ZNF385B: variants seen among roughly 807,000 people sequenced by gnomAD.
ZNF385B encodes the protein zinc finger protein 385B, also known as zinc finger protein 533.
In ZNF385B, 23 loss-of-function variants were observed where a neutral mutation model predicts 39.2. The observed-to-expected ratio is 0.59, with a 90% CI of 0.42 to 0.83. The LOEUF (loss-of-function observed/expected upper bound fraction) is 0.83. ZNF385B is among the 40% of genes least tolerant of loss of function. The pLI is 0.00. For synonymous variants in ZNF385B, 205 were observed against 222.6 expected, an observed-to-expected ratio of 0.92 and a Z score of 0.70; for missense variants, 552 against 598.9, an observed-to-expected ratio of 0.92 and a Z score of 0.82.
intron 3 of ZNF385B, among the ~76,000 whole-genome samples, chr2:179,633,933 A>G (rs1488194441): frequency 6.6e-6 from 1 of 152,206 alleles, no homozygotes; most frequent in Admixed American, 6.5e-5. Context: ...TCTTTGACAA[A>G]CCTGAGAAAA....
intron 6 of ZNF385B, among the ~76,000 whole-genome samples, chr2:179,459,365 G>A (rs1186573173): frequency 6.6e-6 from 1 of 152,198 alleles, no homozygotes; most frequent in Non-Finnish European, 1.5e-5. Flanking sequence ...GAGTGGAAAA[G>A]TAGTATAACT....
Position 179,658,202 on chromosome 2 carries a change from G to A in ZNF385B, c.298+111301C>T, listed in dbSNP as rs114173941. ...AGCATGTCTCAGGACCTTGGTAAAT[G>A]ATAAACAAAATGGTGAACACTTCAC... is the stretch of plus-strand genomic sequence containing the variant. On this transcript the variant is annotated intron_variant, in intron 3 of 9. Transcript: ENST00000410066. Among the ~76,000 whole-genome samples the A allele has an allele frequency of 8.1e-3, 1,231 of 152,284 alleles. 13 individuals carry two copies. Among genetic ancestry groups the A allele is most frequent in the African/African-American group, 0.027 (1,136 of 41,552 alleles).
chr2:179,735,831 A>G, intron 3 of ZNF385B, among the ~76,000 whole-genome samples: 1 of 145,482 alleles, frequency 6.9e-6, no homozygotes, highest in Non-Finnish European at 1.5e-5. Context: ...GAATTGAACA[A>G]TGAGATCACA....
At chr2:179,536,202 T>C in intron 4 of ZNF385B, 1 of 152,206 alleles carries the variant, frequency 6.6e-6, no homozygotes, top group Non-Finnish European at 1.5e-5. Context: ...TTTCCTCTTC[T>C]TCTTCTAATT....
chr2:179,820,269 T>A (rs1268959104), intron 1 of ZNF385B, among the ~76,000 whole-genome samples: 1 of 152,144 alleles, frequency 6.6e-6, no homozygotes, highest in Non-Finnish European at 1.5e-5. Context: ...CATTACTTAA[T>A]TTTTAAGTAT....
At chr2:179,582,550 T>C (rs1267336311) in intron 3 of ZNF385B, among the ~76,000 whole-genome samples, 1 of 152,164 alleles carries the variant, frequency 6.6e-6, no homozygotes, top group Non-Finnish European at 1.5e-5. Flanking sequence ...TATCCTTAGG[T>C]ACTCCTTTAG....
At chr2:179,841,784 G>A (rs946803208) in intron 1 of ZNF385B, among the ~76,000 whole-genome samples, 14 of 152,196 alleles carry the variant, frequency 9.2e-5, no homozygotes, top group Admixed American at 3.9e-4. Flanking sequence ...CACAGGTCAT[G>A]AGTAGTAGAA....
At chr2:179,739,709 A>C (rs10497549) in intron 3 of ZNF385B, among the ~76,000 whole-genome samples, 17,906 of 152,172 alleles carry the variant, frequency 0.12, 1,306 homozygotes, top group Non-Finnish European at 0.16. Context: ...CTGGAGTATT[A>C]GTATAGCTTA....
intron 1 of ZNF385B, among the ~76,000 whole-genome samples, chr2:179,840,137 A>G (rs1223844456): frequency 6.6e-6 from 1 of 152,232 alleles, no homozygotes; most frequent in Non-Finnish European, 1.5e-5. Flanking sequence ...GTCACATTAC[A>G]GATATATTTA....
At chr2:179,660,743 G>C (rs16866895) in intron 3 of ZNF385B, among the ~76,000 whole-genome samples, 2,421 of 152,244 alleles carry the variant, frequency 0.016, 66 homozygotes, top group African/African-American at 0.055. Flanking sequence ...AAGCCTTACA[G>C]TTACAGGCAT....
At chr2:179,561,145 T>C (rs933515291) in intron 3 of ZNF385B, among the ~76,000 whole-genome samples, 1 of 152,212 alleles carries the variant, frequency 6.6e-6, no homozygotes, top group East Asian at 1.9e-4. Context: ...ACATATATTT[T>C]ACACACACCA....
chr2:179,795,818 T>C (rs1326395553), intron 1 of ZNF385B, among the ~76,000 whole-genome samples: 1 of 152,170 alleles, frequency 6.6e-6, no homozygotes, highest in Non-Finnish European at 1.5e-5. Flanking sequence ...ATATTTTAAA[T>C]TATGAAGCAA....
At chr2:179,724,559 T>C (rs184266141) in intron 3 of ZNF385B, among the ~76,000 whole-genome samples, 4 of 152,322 alleles carry the variant, frequency 2.6e-5, no homozygotes, top group Middle Eastern at 3.4e-3. Context: ...TGTTAGAAAA[T>C]ACTTTGTAAG....
chr2:179,733,197 C>T (rs1701507455), intron 3 of ZNF385B, among the ~76,000 whole-genome samples: 1 of 152,170 alleles, frequency 6.6e-6, no homozygotes, highest in Admixed American at 6.5e-5. Context: ...CTTGACCAAA[C>T]ACCAGCTTTC....
rs571021636 is a variant in ZNF385B at position 179,615,166 on chromosome 2, T to C, written c.299-70197A>G. Among the ~76,000 whole-genome samples the C allele has an allele frequency of 1.3e-4, 20 of 152,268 alleles. No individual in the cohort carries two copies. The South Asian group carries it at 1.7e-3, about 13-fold the overall frequency. On this transcript the variant is annotated intron_variant, in intron 3 of 9. Coordinates refer to ENST00000410066, the MANE Select transcript of ZNF385B (RefSeq NM_152520.6). ...AGCTGAATAGTTTTCACATATGGAG[T>C]TCCTGAGGAAGGGATGATATTAATC...
intron 3 of ZNF385B, among the ~76,000 whole-genome samples, chr2:179,732,098 T>C (rs1349018329): frequency 6.6e-6 from 1 of 152,232 alleles, no homozygotes; most frequent in Non-Finnish European, 1.5e-5. Flanking sequence ...TCTCTGAACC[T>C]ATTAAAACTG....
intron 1 of ZNF385B, among the ~76,000 whole-genome samples, chr2:179,797,726 C>T (rs191641358): frequency 1.9e-4 from 29 of 152,136 alleles, no homozygotes; most frequent in East Asian, 1.4e-3. Context: ...TTCTGAAAAC[C>T]GATAGTCAGA....
rs1255846236 is a variant in ZNF385B at position 179,444,809 on chromosome 2, C to T, written c.1242+67G>A. ...GACATTAGACTCTATGCCCTCCTTG[C>T]CCACAATGGCTGCCCAACCCAGCAA... is the stretch of plus-strand genomic sequence containing the variant. On this transcript the variant is annotated intron_variant, in intron 9 of 9. Transcript: ENST00000410066. The T allele has an allele frequency of 6.0e-6, 8 of 1,343,726 alleles. No individual in the cohort carries two copies. In the Admixed American group the frequency reaches 8.4e-5, roughly 14 times the overall value. The allele number at this position is 1,343,726 out of a possible 1,614,324, so 83.2% of individuals were successfully genotyped here. A position where few individuals can be genotyped will look rare whatever the true frequency, so the allele number is the denominator to read the frequency against.
intron 1 of ZNF385B, chr2:179,802,790 A>C (rs1706113550): frequency 6.6e-6 from 1 of 152,104 alleles, no homozygotes; most frequent in Non-Finnish European, 1.5e-5. Context: ...GGTCCCAGAG[A>C]AGGAGTGTTC....
Sources: allele counts gnomAD v4.1 joint callset (sites outside exome capture counted in the v4.1 genomes callset), GRCh38; gene constraint gnomAD v4.1.1; transcripts MANE v1.5; gene names NCBI Gene and HGNC (gene_info 2026-07-23, HGNC 2026-07-21).